The following PPFIA3 variants were observed in gnomAD, a reference collection of about 807,000 sequenced individuals.
The protein encoded by PPFIA3 is liprin-alpha-3.
PPFIA3 carries 26 observed loss-of-function variants against 145.8 expected under a neutral mutation model. That is an observed-to-expected ratio of 0.18 (90% CI 0.13 to 0.25). The LOEUF (loss-of-function observed/expected upper bound fraction) is 0.25, where lower values mean the gene tolerates loss of function less well. Among genes scored for constraint, PPFIA3 ranks in the 10% least tolerant of loss-of-function variants. The pLI is 1.00. For missense variants in PPFIA3, 1,008 were observed against 1,587.8 expected (o/e 0.63, Z 6.21); for synonymous variants, 645 against 661.4 (o/e 0.98, Z 0.38).
chr19:49,136,749 G>T lies in PPFIA3; in HGVS notation c.1691G>T (p.Gly564Val). The T allele has an allele frequency of 1.3e-6, 2 of 1,561,698 alleles. No individual in the cohort carries two copies. Among genetic ancestry groups the T allele is most frequent in the Admixed American group, 1.9e-5 (1 of 53,116 alleles). The change falls in exon 15 of 30, where the codon GGC becomes GTC. Residue 564 changes from glycine to valine, a missense_variant. Physicochemically the swap from Gly to Val is moderately radical, Grantham distance 109 (BLOSUM62 -3). Around this residue, in one of 11 missense-constraint regions of PPFIA3, gnomAD observed 121 missense variants for 138.2 expected, o/e 0.88. Coordinates refer to ENST00000334186, the MANE Select transcript of PPFIA3 (RefSeq NM_003660.4). ...GATTGGGAGCGGTCTGCCCCTGCGG[G>T]CTCCATACCACCCCCATTCCCTGGG... The part of the protein sequence containing the change: ...SKDWERSAPA[G>V]SIPPPFPGEL...
In PPFIA3 at chr19:49,138,258, G is replaced by C; in HGVS notation, c.1907G>C (p.Ser636Thr). Residue 636 changes from serine (S) to threonine (T), a missense_variant, in exon 16 of 30, where the codon AGT becomes ACT. By Grantham distance (58) the Ser-to-Thr change is moderately conservative. Transcript: ENST00000334186. ...GAACAGAGGGCAGAGGAGCTGGAGA[G>C]TCGGGTGTCCAGCTCTGGCTTGGAC... ...TTEQRAEELE[S>T]RVSSSGLDSL... The C allele has an allele frequency of 6.2e-7, 1 of 1,613,324 alleles. No individual in the cohort carries two copies. The highest frequency in any genetic ancestry group is 1.7e-5 in the Admixed American group (1 of 59,986).
Position 49,128,476 on chromosome 19 carries a change from G to A in PPFIA3, c.342+8G>A, listed in dbSNP as rs772297177. On this transcript the variant is annotated splice_region_variant and intron_variant, in intron 3 of 29. Coordinates refer to ENST00000334186, the MANE Select transcript of PPFIA3 (RefSeq NM_003660.4). This position sits in a 1 kb window ranked among gnomAD's most constrained non-coding sequence, Gnocchi z 4.1. ...GAACGGAACAACACGCGGGTGAGGGGTGTTGAGGGCGGGGCCTAAGTGGGG... is the reference window on the plus strand; with the variant it reads ...GAACGGAACAACACGCGGGTGAGGGATGTTGAGGGCGGGGCCTAAGTGGGG... 9 of 1,608,402 alleles carry A rather than the reference G, an allele frequency of 5.6e-6. 1 individual carries two copies. In the Admixed American group the frequency reaches 1.0e-4, roughly 18 times the overall value.
intron 1 of PPFIA3, among the ~76,000 whole-genome samples, chr19:49,123,021 T>C (rs1291334426): frequency 6.6e-6 from 1 of 150,556 alleles, no homozygotes; most frequent in Admixed American, 6.6e-5. Context: ...ACGCCCGGCC[T>C]GTTGTTTAGT....
At chr19:49,129,124 G>A (rs2041038667) in intron 4 of PPFIA3, 112 bp downstream of exon 4, 2 of 1,212,714 alleles carry the variant, frequency 1.6e-6, no homozygotes, top group Admixed American at 2.7e-5. Context: ...TGAGTTGGAA[G>A]AATGTTGACT....
chr19:49,148,825 G>A, intron 25 of PPFIA3, 62 bp downstream of exon 25: 1 of 1,554,486 alleles, frequency 6.4e-7, no homozygotes, highest in South Asian at 1.1e-5. Flanking sequence ...GGATGGGGAG[G>A]AGAGGGGGTA....
Position 49,121,376 on chromosome 19 carries a change from C to T in PPFIA3, c.-16+1654C>T, listed in dbSNP as rs2040934556. Among the ~76,000 whole-genome samples, 3 of 152,166 alleles carry T rather than the reference C, an allele frequency of 2.0e-5. No individual in the cohort carries two copies. In the South Asian group the frequency reaches 6.2e-4, roughly 31 times the overall value. ...CCAGGCTGGAGTGCACTGGCACAAT[C>T]ACAGCTCACTGCAGCCTCCACCTCC... On this transcript the variant is annotated intron_variant, in intron 1 of 29. Transcript: ENST00000334186.
intron 16 of PPFIA3, 131 bp from the exon 17 acceptor site, chr19:49,139,537 T>C (rs2041186496): frequency 8.1e-6 from 6 of 737,408 alleles, no homozygotes; most frequent in Middle Eastern, 3.2e-4. Context: ...TGACTTGAGC[T>C]AGACTACCTT....
At chr19:49,142,675 C>A (rs1368766489) in intron 20 of PPFIA3, 129 bp from the exon 21 acceptor site, 10 of 632,060 alleles carry the variant, frequency 1.6e-5, no homozygotes, top group Non-Finnish European at 2.3e-5. Flanking sequence ...CTTCTCCTTG[C>A]GAACTTTCCC....
At chr19:49,141,664 A>C (rs1301841776) in intron 19 of PPFIA3, 151 bp downstream of exon 19, 1 of 562,288 alleles carries the variant, frequency 1.8e-6, no homozygotes, top group Non-Finnish European at 2.9e-6. Context: ...GGTGAACAGA[A>C]ATGGGAATTC....
intron 18 of PPFIA3, 74 bp from the exon 19 acceptor site, chr19:49,141,346 C>A (rs1193954815): frequency 1.3e-5 from 16 of 1,193,666 alleles, no homozygotes; most frequent in Non-Finnish European, 2.0e-5. Flanking sequence ...CGGCATTTTC[C>A]TCATCACCTC....
At chr19:49,132,319 G>A (rs1434209607) in intron 7 of PPFIA3, among the ~76,000 whole-genome samples, 2 of 148,862 alleles carry the variant, frequency 1.3e-5, no homozygotes, top group Non-Finnish European at 3.0e-5. Context: ...AACCCAGGAG[G>A]TGGAGGTTGC....
rs1568434998 is a variant in PPFIA3, at chr19:49,129,469, AAG to A, written c.582+17_582+18del. On this transcript the variant is annotated intron_variant, in intron 5 of 29. Coordinates refer to ENST00000334186, the MANE Select transcript of PPFIA3 (RefSeq NM_003660.4). Reference sequence around the variant, plus strand: ...GCAATCAGGAGGTGTGGGTGTGGCCAAGACAGGGAATTTGAATCCAAGGGGAG... The same window carrying A: ...GCAATCAGGAGGTGTGGGTGTGGCCAACAGGGAATTTGAATCCAAGGGGAG... 6.4e-7 allele frequency: 1 copy of A among 1,551,774 alleles called. No homozygotes were observed. The highest frequency in any genetic ancestry group is 8.7e-7 in the Non-Finnish European group (1 of 1,147,820).
Position 49,133,158 on chromosome 19 carries a change from G to T in PPFIA3, c.1026+11G>T, listed in dbSNP as rs1348799034. On this transcript the variant is annotated intron_variant, in intron 8 of 29. Transcript: ENST00000334186. This position sits in a 1 kb window ranked among gnomAD's most constrained non-coding sequence, Gnocchi z 7.2. ...TCGTTGTATCGGCAGGTGGGGGCGC[G>T]GCCGGGAGGGGCGATGGGGGCGGTG... 1.3e-6 allele frequency: 2 copies of T among 1,587,598 alleles called. No individual in the cohort carries two copies.
chr19:49,127,935 C>T lies in PPFIA3; in HGVS notation c.62C>T (p.Pro21Leu), dbSNP rs750656596. 1.1e-5 allele frequency: 17 copies of T among 1,593,662 alleles called. No individual in the cohort carries two copies. The highest frequency in any genetic ancestry group is 1.4e-5 in the Non-Finnish European group (17 of 1,177,724). The change falls in exon 2 of 30, where the codon CCG becomes CTG. Residue 21 changes from proline to leucine, a missense_variant. By Grantham distance (98) the Pro-to-Leu change is moderately conservative. Around this residue, in one of 11 missense-constraint regions of PPFIA3, gnomAD observed 108 missense variants for 144.3 expected, o/e 0.75. Transcript: ENST00000334186. ...EDGRRGSALG[P>L]DEAGGELERL... is the part of the protein sequence containing the mutation. Reference sequence around the variant, plus strand: ...GGCCGGCGGGGCTCGGCGCTGGGCCCGGACGAGGCGGGCGGGGAGCTGGAG... The same window carrying T: ...GGCCGGCGGGGCTCGGCGCTGGGCCTGGACGAGGCGGGCGGGGAGCTGGAG...
chr19:49,149,377 G>T lies in PPFIA3; in HGVS notation c.3354+52G>T. On this transcript the variant is annotated intron_variant, in intron 27 of 29. Transcript: ENST00000334186. This position sits in a 1 kb window ranked among gnomAD's most constrained non-coding sequence, Gnocchi z 5.7. ...TCTGCTCCCAGCGGCTCCTCGAGAG[G>T]CTGAGCTGAGGGGGCGGGGCCTGAC... is the stretch of plus-strand genomic sequence containing the variant. 6.2e-7 allele frequency: 1 copy of T among 1,606,936 alleles called. No homozygotes were observed. Among genetic ancestry groups the T allele is most frequent in the Non-Finnish European group, 8.5e-7 (1 of 1,173,958 alleles).
intron 21 of PPFIA3, among the ~76,000 whole-genome samples, chr19:49,143,992 A>G (rs1009273812): frequency 4.6e-5 from 7 of 150,592 alleles, no homozygotes; most frequent in Non-Finnish European, 7.4e-5. Flanking sequence ...TTTATACAAT[A>G]TTTTATTTTT....
At chr19:49,136,018 G>A (rs1199518048) in intron 14 of PPFIA3, 95 bp downstream of exon 14, 5 of 1,357,196 alleles carry the variant, frequency 3.7e-6, no homozygotes, top group South Asian at 1.6e-5. Context: ...GAGGAAGCTG[G>A]GTTGAGAGGC....
intron 13 of PPFIA3, 34 bp downstream of exon 13, chr19:49,134,949 G>T (rs773292646): frequency 6.6e-7 from 1 of 1,513,016 alleles, no homozygotes; most frequent in Non-Finnish European, 8.9e-7. Flanking sequence ...CCCCCACCAT[G>T]GAGCCCCGTT....
intron 1 of PPFIA3, among the ~76,000 whole-genome samples, chr19:49,127,590 C>A (rs2041017415): frequency 6.6e-6 from 1 of 150,954 alleles, no homozygotes. Context: ...CAGAGTGAGA[C>A]CCTGTTAAAA....
Sources: gnomAD v4.1 joint callset for allele counts (sites outside exome capture counted in the v4.1 genomes callset) on GRCh38, gnomAD v4.1.1 for gene constraint, gnomAD v4.1.1 regional missense constraint, Gnocchi (gnomAD v3.1) non-coding constraint, MANE v1.5 for transcripts, NCBI Gene and HGNC (gene_info 2026-07-23, HGNC 2026-07-21) for gene names.